Variants in KSR1 observed in about 807,000 individuals in gnomAD.
KSR1 encodes the protein kinase suppressor of ras.
KSR1 carries 35 observed loss-of-function variants against 92.9 expected under a neutral mutation model. That is an observed-to-expected ratio of 0.38 (90% CI 0.29 to 0.50). The LOEUF (loss-of-function observed/expected upper bound fraction) is 0.50, where lower values mean the gene tolerates loss of function less well. Among genes scored for constraint, KSR1 ranks in the 20% least tolerant of loss-of-function variants. The pLI is 0.94. For synonymous variants in KSR1, 467 were observed against 472.6 expected (o/e 0.99, Z 0.15); for missense variants, 972 against 1,158.5 (o/e 0.84, Z 2.34).
chr17:27,510,577 A>G (rs1286594237), intron 1 of KSR1, among the ~76,000 whole-genome samples: 4 of 152,220 alleles, frequency 2.6e-5, no homozygotes, highest in Non-Finnish European at 1.5e-5. Context: ...GCCTTAGCTT[A>G]AGGTAATTTA....
intron 1 of KSR1, among the ~76,000 whole-genome samples, chr17:27,461,262 G>A (rs186813132): frequency 3.3e-5 from 5 of 152,206 alleles, no homozygotes; most frequent in Admixed American, 1.3e-4. Context: ...CGTGTTTTTA[G>A]TAGAGATAGG....
At chr17:27,462,402 C>G (rs1418647824) in intron 1 of KSR1, among the ~76,000 whole-genome samples, 2 of 152,124 alleles carry the variant, frequency 1.3e-5, no homozygotes, top group African/African-American at 4.8e-5. Context: ...GGGCCGAGGG[C>G]ATTCCGTGGC....
chr17:27,560,296 G>T (rs773974659), intron 2 of KSR1: 3 of 389,628 alleles, frequency 7.7e-6, no homozygotes, highest in South Asian at 3.9e-5. Context: ...GCAATTTCCC[G>T]GTTGGAAGTT....
intron 1 of KSR1, among the ~76,000 whole-genome samples, chr17:27,497,930 C>T (rs184688023): frequency 8.5e-5 from 13 of 152,174 alleles, no homozygotes; most frequent in Non-Finnish European, 1.5e-4. Context: ...AGTTTCTTTC[C>T]GGGATGGGCA....
intron 14 of KSR1, among the ~76,000 whole-genome samples, chr17:27,606,712 G>A (rs750757361): frequency 2.0e-5 from 3 of 151,342 alleles, no homozygotes; most frequent in Non-Finnish European, 2.9e-5. Context: ...CTGGAGTGGA[G>A]TAGAGTTGGG....
chr17:27,605,860 C>G (rs746735690), intron 14 of KSR1, 47 bp downstream of exon 14: 2 of 1,603,798 alleles, frequency 1.2e-6, no homozygotes, highest in African/African-American at 1.3e-5. Context: ...CTCAGCCTCC[C>G]CCTTCCCAGG....
At chr17:27,586,204 C>G (rs930469003) in intron 5 of KSR1, among the ~76,000 whole-genome samples, 14 of 152,182 alleles carry the variant, frequency 9.2e-5, no homozygotes, top group Non-Finnish European at 1.9e-4. Context: ...CTGGGCAACC[C>G]TTGACCCCCT....
chr17:27,614,650 T>C (rs1378272277), intron 18 of KSR1, among the ~76,000 whole-genome samples: 2 of 152,216 alleles, frequency 1.3e-5, no homozygotes, highest in Non-Finnish European at 2.9e-5. Flanking sequence ...TCATAGTTTT[T>C]TTATTTTTTA....
chr17:27,598,172 C>G (rs2073414714), intron 10 of KSR1, among the ~76,000 whole-genome samples: 1 of 152,196 alleles, frequency 6.6e-6, no homozygotes, highest in African/African-American at 2.4e-5. Context: ...TGAGCTGCTG[C>G]CTCGGCCTCC....
chr17:27,604,388 G>T (rs2073677221), intron 12 of KSR1, among the ~76,000 whole-genome samples: 1 of 152,176 alleles, frequency 6.6e-6, no homozygotes, highest in African/African-American at 2.4e-5. Flanking sequence ...CTGTGGGTGT[G>T]CTCTGAGACC....
intron 1 of KSR1, among the ~76,000 whole-genome samples, chr17:27,505,871 A>T (rs185719885): frequency 1.9e-4 from 29 of 152,298 alleles, no homozygotes; most frequent in Admixed American, 1.7e-3. Context: ...ATCTTACTTG[A>T]AGCACCGTGG....
intron 1 of KSR1, among the ~76,000 whole-genome samples, chr17:27,458,717 G>A (rs2019298640): frequency 1.3e-5 from 2 of 152,182 alleles, no homozygotes; most frequent in South Asian, 2.1e-4. Flanking sequence ...TCTTCCCACC[G>A]TGATGTGGAT....
chr17:27,546,682 G>C (rs1368771873), intron 1 of KSR1, among the ~76,000 whole-genome samples: 1 of 152,184 alleles, frequency 6.6e-6, no homozygotes, highest in East Asian at 1.9e-4. Flanking sequence ...GAACGGAGCT[G>C]GGGGGCTGGG....
At chr17:27,476,503 G>A (rs951605461) in intron 1 of KSR1, among the ~76,000 whole-genome samples, 1 of 152,226 alleles carries the variant, frequency 6.6e-6, no homozygotes, top group Non-Finnish European at 1.5e-5. Flanking sequence ...CTGTTTGACT[G>A]TGGTGCCGTT....
intron 19 of KSR1, among the ~76,000 whole-genome samples, chr17:27,620,864 G>A (rs1291800281): frequency 1.3e-5 from 2 of 152,146 alleles, no homozygotes; most frequent in Non-Finnish European, 2.9e-5. Context: ...TCACAGGCAG[G>A]AAACTGAGTC....
At chr17:27,536,592 C>T (rs2070760191) in intron 1 of KSR1, among the ~76,000 whole-genome samples, 4 of 152,314 alleles carry the variant, frequency 2.6e-5, no homozygotes, top group South Asian at 2.1e-4. Flanking sequence ...CTTCGCTTCC[C>T]GCCCCATGCC....
At chr17:27,597,737 C>T (rs1407842836) in intron 10 of KSR1, among the ~76,000 whole-genome samples, 2 of 152,154 alleles carry the variant, frequency 1.3e-5, no homozygotes, top group African/African-American at 4.8e-5. Context: ...CTGCCCTCCT[C>T]TTCATGGGGT....
At chr17:27,567,930 C>G (rs1012515202) in intron 2 of KSR1, among the ~76,000 whole-genome samples, 1 of 152,198 alleles carries the variant, frequency 6.6e-6, no homozygotes, top group Non-Finnish European at 1.5e-5. Flanking sequence ...CCTTTGATCT[C>G]GGCAGAGAAG....
At chr17:27,592,295 G>T in intron 7 of KSR1, 66 bp from the exon 8 acceptor site, 2 of 1,301,812 alleles carry the variant, frequency 1.5e-6, no homozygotes, top group Non-Finnish European at 2.2e-6. Context: ...GCTACACAGA[G>T]CTACCCCTGT....
Sources: allele counts gnomAD v4.1 joint callset (sites outside exome capture counted in the v4.1 genomes callset), GRCh38; gene constraint gnomAD v4.1.1; transcripts MANE v1.5; gene names NCBI Gene and HGNC (gene_info 2026-07-23, HGNC 2026-07-21).